Variants in KMT2B observed in about 807,000 individuals in gnomAD.
KMT2B encodes lysine methyltransferase 2B.
Under a neutral mutation model 255.3 loss-of-function variants are expected in KMT2B, and 22 were observed. The observed-to-expected ratio is 0.09, with a 90% confidence interval of 0.06 to 0.12. The LOEUF (loss-of-function observed/expected upper bound fraction) is 0.12, where lower values mean the gene tolerates loss of function less well. KMT2B is among the 10% of genes least tolerant of loss of function. KMT2B has a pLI of 1.00. For missense variants in KMT2B, 3,149 were observed against 3,737.0 expected, an observed-to-expected ratio of 0.84 and a Z score of 4.10; for synonymous variants, 1,730 against 1,498.1, an observed-to-expected ratio of 1.15 and a Z score of -3.57.
intron 22 of KMT2B, 138 bp from the exon 23 acceptor site, chr19:35,729,829 C>T (rs1184470055): frequency 2.4e-5 from 19 of 784,404 alleles, no homozygotes; most frequent in East Asian, 1.6e-4. Context: ...GGCCTGGATG[C>T]GGCTGGGGAG....
Position 35,719,925 on chromosome 19 carries a change from T to C in KMT2B, c.578T>C (p.Leu193Pro). The change falls in exon 3 of 37, where the codon CTG becomes CCG. Residue 193 changes from leucine (L) to proline (P), a missense_variant. Physicochemically the swap from Leu to Pro is moderately conservative, Grantham distance 98. Transcript: ENST00000420124. ...EEGTERMVQA[L>P]TELLRRAQAP... ...GGCACAGAACGGATGGTGCAGGCACTGACTGAACTTCTCCGGCGGGCCCAG... is the reference window on the plus strand; with the variant it reads ...GGCACAGAACGGATGGTGCAGGCACCGACTGAACTTCTCCGGCGGGCCCAG... 6.2e-7 allele frequency: 1 copy of C among 1,613,274 alleles called. No individual in the cohort carries two copies. The highest frequency in any genetic ancestry group is 1.1e-5 in the South Asian group (1 of 91,076).
Position 35,732,242 on chromosome 19 carries a change from T to C in KMT2B, c.5693T>C (p.Ile1898Thr). 2 of 1,603,054 alleles carry C rather than the reference T, an allele frequency of 1.2e-6. No homozygotes were observed. The highest frequency in any genetic ancestry group is 1.7e-6 in the Non-Finnish European group (2 of 1,173,840). ...PGSPSSLTHH[I>T]PTVGDPDFPA... Reference sequence around the variant, plus strand: ...AGTCCATCTTCACTGACCCACCACATCCCCACAGTGGGAGACCCGGACTTC... The same window carrying C: ...AGTCCATCTTCACTGACCCACCACACCCCCACAGTGGGAGACCCGGACTTC... Residue 1898 changes from isoleucine (I) to threonine (T), a missense_variant, in exon 28 of 37, where the codon ATC becomes ACC. Ile to Thr is a moderately conservative substitution (Grantham distance 89). Transcript: ENST00000420124.
Position 35,724,983 on chromosome 19 carries a change from C to A in KMT2B, c.3430-6C>A, listed in dbSNP as rs770549587. The stretch of plus-strand genomic sequence containing the variant: ...AGCTCTGAATTCCCCCACCTTTCCT[C>A]CCCAGGATGCTTTGGCCCCTGGCCC... On this transcript the variant is annotated splice_polypyrimidine_tract_variant and splice_region_variant and intron_variant, in intron 9 of 36. Coordinates refer to ENST00000420124, the MANE Select transcript of KMT2B (RefSeq NM_014727.3). The A allele has an allele frequency of 6.2e-7, 1 of 1,601,200 alleles. No homozygotes were observed. Among genetic ancestry groups the A allele is most frequent in the Non-Finnish European group, 8.6e-7 (1 of 1,168,244 alleles).
chr19:35,722,415 C>T lies in KMT2B; in HGVS notation c.2514C>T (p.Asp838=), dbSNP rs1423224354. 6 of 1,611,042 alleles carry T rather than the reference C, an allele frequency of 3.7e-6. No individual in the cohort carries two copies. The highest frequency in any genetic ancestry group is 5.1e-6 in the Non-Finnish European group (6 of 1,179,828). Residue 838 remains aspartate, a synonymous_variant, in exon 4 of 37, where the codon GAC becomes GAT. Transcript: ENST00000420124. The part of the protein sequence containing the change: ...EVAGAVKQIS[D]RGPVRSEDES... ...CCGGGGCTGTCAAGCAGATCTCCGA[C>T]AGAGGCCCTGTCCGGTCTGAAGATG...
intron 30 of KMT2B, among the ~76,000 whole-genome samples, chr19:35,734,285 G>A (rs1969837007): frequency 6.6e-6 from 1 of 152,116 alleles, no homozygotes; most frequent in Admixed American, 6.5e-5. Flanking sequence ...GAGGCCCAGG[G>A]AAGGGAGTCG....
chr19:35,737,290 G>A lies in KMT2B; in HGVS notation c.7550+27G>A, dbSNP rs1204995934. 1.4e-6 allele frequency: 2 copies of A among 1,471,550 alleles called. No homozygotes were observed. The highest frequency in any genetic ancestry group is 1.8e-6 in the Non-Finnish European group (2 of 1,112,006). The allele number at this position is 1,471,550 out of a possible 1,614,324, so 91.2% of individuals were successfully genotyped here. A position where few individuals can be genotyped will look rare whatever the true frequency, so the allele number is the denominator to read the frequency against. ...TGAGAGGTCTGGGGTGTGATGCCTG[G>A]GTCAGGGCGCCCCTATGAGAGCTCT... On this transcript the variant is annotated intron_variant, in intron 33 of 36. Transcript: ENST00000420124. The surrounding 1 kb of genome is among the most constrained non-coding windows in gnomAD (Gnocchi z 5.3).
At position 35,720,876 on chromosome 19, in the gene KMT2B, G is replaced by A. The variant is rs1206043749; in HGVS notation, c.1529G>A (p.Ser510Asn). 2 of 1,594,736 alleles carry A rather than the reference G, an allele frequency of 1.3e-6. No individual in the cohort carries two copies. Among genetic ancestry groups the A allele is most frequent in the Non-Finnish European group, 1.7e-6 (2 of 1,171,470 alleles). ...GCCACGGGAGGCCCTCCGGAAGACA[G>A]TCCCACCGTGGCCCCCAAAAGCACC... ...STATGGPPEDSPTVAPKSTTF... is the reference protein window; with the variant it reads ...STATGGPPEDNPTVAPKSTTF... Residue 510 changes from serine to asparagine, a missense_variant, in exon 3 of 37, where the codon AGT becomes AAT. By Grantham distance (46) the Ser-to-Asn change is conservative. Transcript: ENST00000420124.
At chr19:35,735,516 C>G (rs1969882180) in intron 30 of KMT2B, 1 of 152,458 alleles carries the variant, frequency 6.6e-6, no homozygotes, top group Non-Finnish European at 1.5e-5. Flanking sequence ...GCCTTGACTT[C>G]TGTGTATGCT....
rs1276663757 is a variant in KMT2B at position 35,733,223 on chromosome 19, C to T, written c.6674C>T (p.Ser2225Phe). 13 of 1,410,160 alleles carry T rather than the reference C, an allele frequency of 9.2e-6. No individual in the cohort carries two copies. Among genetic ancestry groups the T allele is most frequent in the Non-Finnish European group, 1.1e-5 (11 of 1,036,368 alleles). 87.4% of individuals were successfully genotyped at this position (1,410,160 alleles called of 1,614,324 possible). ...CAGCCACCTTTGCCCCCCACCATTTCCCCCACGGCTCCCACCTCCTGGACT... is the reference window on the plus strand; with the variant it reads ...CAGCCACCTTTGCCCCCCACCATTTTCCCCACGGCTCCCACCTCCTGGACT... ...VKQPPLPPTI[S>F]PTAPTSWTLP... The change falls in exon 28 of 37, where the codon TCC (serine) becomes TTC (phenylalanine). Residue 2225 changes from serine to phenylalanine, a missense_variant. Coordinates refer to ENST00000420124, the MANE Select transcript of KMT2B (RefSeq NM_014727.3). This position sits in a 1 kb window ranked among gnomAD's most constrained non-coding sequence, Gnocchi z 4.3.
chr19:35,726,371 G>A lies in KMT2B; in HGVS notation c.4003+18G>A. ...TGAGAAAGGTGGGGACCGGGCAGGG[G>A]AACTGGATGCTGGGGGCCACAGGGG... On this transcript the variant is annotated intron_variant, in intron 14 of 36. Coordinates refer to ENST00000420124, the MANE Select transcript of KMT2B (RefSeq NM_014727.3). The A allele has an allele frequency of 1.3e-6, 2 of 1,544,510 alleles. No homozygotes were observed. The highest frequency in any genetic ancestry group is 9.0e-7 in the Non-Finnish European group (1 of 1,116,890).
In KMT2B at chr19:35,728,868, C is replaced by T. The variant is rs1435731881; in HGVS notation, c.4666C>T (p.Pro1556Ser). Residue 1556 changes from proline to serine, a missense_variant, in exon 20 of 37, where the codon CCT becomes TCT. This residue lies in a region of KMT2B where 377 missense variants were observed against 471.0 expected (regional missense o/e 0.80). Coordinates refer to ENST00000420124, the MANE Select transcript of KMT2B (RefSeq NM_014727.3). ...QEPETPESGQ[P>S]PGDPSAAFQG... ...ACCAGAGACCCCAGAATCAGGGCAG[C>T]CTCCAGGGGATCCCTCAGCAGGTAC... The T allele has an allele frequency of 6.2e-7, 1 of 1,613,800 alleles. No homozygotes were observed. Among genetic ancestry groups the T allele is most frequent in the Non-Finnish European group, 8.5e-7 (1 of 1,179,824 alleles).
Position 35,733,054 on chromosome 19 carries a change from G to A in KMT2B, c.6505G>A (p.Ala2169Thr). ...CCGCACATTTGCCTGGCTCCCAGGG[G>A]CCCCAGGGGTCCGGGTGTTAAGCCT... ...PTRTFAWLPG[A>T]PGVRVLSLGP... The change falls in exon 28 of 37, where the codon GCC (alanine) becomes ACC (threonine). Residue 2169 changes from alanine to threonine, a missense_variant. Ala to Thr is a moderately conservative substitution (Grantham distance 58). Coordinates refer to ENST00000420124, the MANE Select transcript of KMT2B (RefSeq NM_014727.3). This position sits in a 1 kb window ranked among gnomAD's most constrained non-coding sequence, Gnocchi z 4.3. The A allele has an allele frequency of 6.3e-7, 1 of 1,581,950 alleles. No homozygotes were observed. Among genetic ancestry groups the A allele is most frequent in the Non-Finnish European group, 8.6e-7 (1 of 1,163,906 alleles).
Position 35,725,885 on chromosome 19 carries a change from C to T in KMT2B, c.3885+67C>T, listed in dbSNP as rs1599681172. On this transcript the variant is annotated intron_variant, in intron 13 of 36. Transcript: ENST00000420124. The surrounding 1 kb of genome is among the most constrained non-coding windows in gnomAD (Gnocchi z 4.1). ...TATCACCACCACCCCCAAACTTGCT[C>T]TAGGCTGGGGCTCTCAGGAGGAGCA... 19 of 1,344,594 alleles carry T rather than the reference C, an allele frequency of 1.4e-5. No homozygotes were observed. The East Asian group carries it at 4.8e-4, about 34-fold the overall frequency. 83.3% of individuals were successfully genotyped at this position (1,344,594 alleles called of 1,614,324 possible).
chr19:35,723,594 C>A lies in KMT2B; in HGVS notation c.3058+92C>A. The stretch of plus-strand genomic sequence containing the variant: ...TTTTCTTTGCTCTCCTCCCTTGCAG[C>A]TCACCCTCTCCATCTTCTCCGTTGT... On this transcript the variant is annotated intron_variant, in intron 7 of 36. Transcript: ENST00000420124. The surrounding 1 kb of genome is among the most constrained non-coding windows in gnomAD (Gnocchi z 7.5). 7.6e-7 allele frequency: 1 copy of A among 1,319,900 alleles called. No homozygotes were observed. The highest frequency in any genetic ancestry group is 1.0e-6 in the Non-Finnish European group (1 of 961,514). 81.8% of individuals were successfully genotyped at this position (1,319,900 alleles called of 1,614,324 possible).
chr19:35,724,546 A>G, intron 8 of KMT2B, 91 bp from the exon 9 acceptor site: 1 of 1,099,198 alleles, frequency 9.1e-7, no homozygotes, highest in African/African-American at 1.6e-5. Context: ...TTAGTTAAAG[A>G]AGGCCCTGGG....
chr19:35,720,207 G>T lies in KMT2B; in HGVS notation c.860G>T (p.Arg287Leu). ...GTPRRGGQSS[R>L]GGRGGRGRGR... is the part of the protein sequence containing the mutation. Reference sequence around the variant, plus strand: ...CCCAGGCGTGGAGGACAGTCAAGCCGTGGAGGCCGTGGAGGCAGGGGCCGC... The same window carrying T: ...CCCAGGCGTGGAGGACAGTCAAGCCTTGGAGGCCGTGGAGGCAGGGGCCGC... The change falls in exon 3 of 37, where the codon CGT (arginine) becomes CTT (leucine). Residue 287 changes from arginine to leucine, a missense_variant. Physicochemically the swap from Arg to Leu is moderately radical, Grantham distance 102. Transcript: ENST00000420124. 1.2e-6 allele frequency: 2 copies of T among 1,608,726 alleles called. No individual in the cohort carries two copies. Among genetic ancestry groups the T allele is most frequent in the East Asian group, 2.2e-5 (1 of 44,734 alleles).
rs764003155 is a variant in KMT2B at position 35,720,901 on chromosome 19, C to T, written c.1554C>T (p.Thr518=). Reference sequence around the variant, plus strand: ...GTCCCACCGTGGCCCCCAAAAGCACCACCTTCCTGAAGAATATCCGGCAGT... The same window carrying T: ...GTCCCACCGTGGCCCCCAAAAGCACTACCTTCCTGAAGAATATCCGGCAGT... The part of the protein sequence containing the change: ...EDSPTVAPKS[T]TFLKNIRQFI... Residue 518 remains threonine, a synonymous_variant, in exon 3 of 37, where the codon ACC becomes ACT. Coordinates refer to ENST00000420124, the MANE Select transcript of KMT2B (RefSeq NM_014727.3). 1 of 1,606,342 alleles carries T rather than the reference C, an allele frequency of 6.2e-7. No homozygotes were observed. Among genetic ancestry groups the T allele is most frequent in the Admixed American group, 1.7e-5 (1 of 59,394 alleles).
rs1969808236 is a variant in KMT2B, at chr19:35,733,574, C to T, written c.6960-23C>T. On this transcript the variant is annotated intron_variant, in intron 28 of 36. Transcript: ENST00000420124. The surrounding 1 kb of genome is among the most constrained non-coding windows in gnomAD (Gnocchi z 4.3). ...CAGATGGGCGGGAGATGCGGCTCAT[C>T]CTTCTCGGGCTCGCCCTCCCAGGTT... is the stretch of plus-strand genomic sequence containing the variant. The T allele has an allele frequency of 1.3e-6, 2 of 1,560,276 alleles. No homozygotes were observed. The highest frequency in any genetic ancestry group is 1.4e-5 in the African/African-American group (1 of 73,344).
rs372287616 is a variant in KMT2B, at chr19:35,721,799, A to G, written c.2452A>G (p.Met818Val). The G allele has an allele frequency of 2.3e-5, 36 of 1,584,026 alleles. No homozygotes were observed. The highest frequency in any genetic ancestry group is 1.7e-4 in the Middle Eastern group (1 of 5,978). ...GCAGCAGCAGAAGGTGGCAGCTTCC[A>G]TGCCGGTGAGTGTGGTCCCTGGGCC... The part of the protein sequence containing the change: ...QQQQQKVAAS[M>V]PLSPGGQMEE... The change falls in exon 3 of 37, where the codon ATG becomes GTG. Residue 818 changes from methionine (M) to valine (V), a missense_variant. Around this residue, in one of 18 missense-constraint regions of KMT2B, gnomAD observed 1,188 missense variants for 1,106.4 expected, o/e 1.07. Transcript: ENST00000420124.
Sources: allele counts gnomAD v4.1 joint callset (sites outside exome capture counted in the v4.1 genomes callset), GRCh38; gene constraint gnomAD v4.1.1; regional missense constraint gnomAD v4.1.1; non-coding constraint Gnocchi (gnomAD v3.1); transcripts MANE v1.5; gene names NCBI Gene and HGNC (gene_info 2026-07-23, HGNC 2026-07-21).